The following PCDHA1 variants were observed in gnomAD, a reference collection of about 807,000 sequenced individuals.
PCDHA1 encodes the protein protocadherin alpha 1.
In PCDHA1, 42 loss-of-function variants were observed where a neutral mutation model predicts 61.3. The ratio of observed to expected loss-of-function variants is 0.69; its 90% CI spans 0.54 to 0.89. The LOEUF is 0.89. Ranked by LOEUF, PCDHA1 falls within the 40% of genes least tolerant of loss-of-function variation. PCDHA1 has a pLI of 0.00. For missense variants in PCDHA1, 1,256 were observed against 1,235.3 expected (o/e 1.02, Z -0.25); for synonymous variants, 610 against 553.8 (o/e 1.10, Z -1.43).
At chr5:140,882,344 A>T in intron 1 of PCDHA1, 2 of 1,614,084 alleles carry the variant, frequency 1.2e-6, no homozygotes, top group Admixed American at 3.3e-5. Flanking sequence ...AGCCTGGGAG[A>T]CGGGTAGTGG....
At chr5:140,924,395 G>C (rs919795787) in intron 1 of PCDHA1, among the ~76,000 whole-genome samples, 1 of 152,024 alleles carries the variant, frequency 6.6e-6, no homozygotes, top group East Asian at 1.9e-4. Context: ...TACTTATATT[G>C]CCTTATATCA....
intron 1 of PCDHA1, chr5:140,829,952 C>T: frequency 3.1e-6 from 5 of 1,614,008 alleles, no homozygotes; most frequent in African/African-American, 1.3e-5. Flanking sequence ...CGCTCGCTTC[C>T]CGTTTCGCGT....
chr5:140,801,381 C>G (rs782738715), intron 1 of PCDHA1: 1 of 1,613,546 alleles, frequency 6.2e-7, no homozygotes, highest in South Asian at 1.1e-5. Context: ...GCTGGTGCCG[C>G]GCCTGTTCCG....
intron 1 of PCDHA1, chr5:140,842,195 C>T (rs1165859216): frequency 1.9e-6 from 3 of 1,613,558 alleles, no homozygotes; most frequent in Non-Finnish European, 2.5e-6. Flanking sequence ...GGTTATTGAC[C>T]ACTTTAGCAT....
chr5:140,868,951 A>C (rs2050753987), intron 1 of PCDHA1: 1 of 1,321,466 alleles, frequency 7.6e-7, no homozygotes, highest in African/African-American at 1.5e-5. Context: ...ACAGTGAGGC[A>C]CTCCCATACA....
At chr5:140,821,568 C>T in intron 1 of PCDHA1, 1 of 542,252 alleles carries the variant, frequency 1.8e-6, no homozygotes, top group Admixed American at 3.6e-5. Context: ...CGCTGGACAC[C>T]GGAAGGTTTT....
intron 1 of PCDHA1, chr5:140,876,539 C>G: frequency 6.2e-7 from 1 of 1,614,170 alleles, no homozygotes; most frequent in Non-Finnish European, 8.5e-7. Flanking sequence ...ACTTCACTGT[C>G]GCTCCCTGTG....
chr5:140,855,215 A>G (rs1201048316), intron 1 of PCDHA1, among the ~76,000 whole-genome samples: 8 of 150,030 alleles, frequency 5.3e-5, no homozygotes, highest in East Asian at 1.9e-4. Context: ...CCATTTATGA[A>G]GCACTCATTC....
intron 3 of PCDHA1, among the ~76,000 whole-genome samples, chr5:140,998,364 C>T (rs2097808386): frequency 6.6e-6 from 1 of 152,192 alleles, no homozygotes; most frequent in South Asian, 2.1e-4. Flanking sequence ...AACCACTGCA[C>T]ACACCGTCTC....
chr5:140,802,192 A>G, intron 1 of PCDHA1: 2 of 1,614,242 alleles, frequency 1.2e-6, no homozygotes, highest in Non-Finnish European at 1.7e-6. Flanking sequence ...CCAATGTCAG[A>G]TCACTGCACA....
intron 1 of PCDHA1, among the ~76,000 whole-genome samples, chr5:140,960,639 C>T (rs1184483884): frequency 5.9e-5 from 9 of 152,058 alleles, no homozygotes; most frequent in Admixed American, 5.9e-4. Flanking sequence ...ATTTTTAAAA[C>T]CCCTATCCAA....
At chr5:140,885,738 C>T (rs1160742683) in intron 1 of PCDHA1, among the ~76,000 whole-genome samples, 5 of 151,978 alleles carry the variant, frequency 3.3e-5, no homozygotes, top group African/African-American at 1.2e-4. Flanking sequence ...TGATATTTCA[C>T]TGTTACTTTA....
Position 140,788,260 on chromosome 5 carries a change from C to A in PCDHA1, c.1970C>A (p.Pro657Gln), listed in dbSNP as rs1163768451. ...LLVLVKDHGE[P>Q]ALTATATVLV... is the part of the protein sequence containing the mutation. The stretch of plus-strand genomic sequence containing the variant: ...GTGCTAGTGAAGGATCACGGTGAGC[C>A]GGCGCTGACAGCCACGGCCACTGTG... Residue 657 changes from proline (P) to glutamine (Q), a missense_variant, in exon 1 of 4, where the codon CCG (proline) becomes CAG (glutamine). Transcript: ENST00000504120. The A allele has an allele frequency of 5.0e-6, 8 of 1,613,848 alleles. No individual in the cohort carries two copies. The highest frequency in any genetic ancestry group is 2.7e-5 in the African/African-American group (2 of 74,926).
intron 1 of PCDHA1, among the ~76,000 whole-genome samples, chr5:140,973,877 A>G (rs782563295): frequency 6.6e-6 from 1 of 152,234 alleles, no homozygotes; most frequent in Non-Finnish European, 1.5e-5. Context: ...AGGTCAGAAT[A>G]ATGTCAATTT....
intron 1 of PCDHA1, among the ~76,000 whole-genome samples, chr5:140,941,198 T>TCTTCCTTTCTTC (rs1563184149): frequency 4.2e-5 from 5 of 119,808 alleles, no homozygotes; most frequent in African/African-American, 1.0e-4. Context: ...TTTTTTTCTT[T>TCTTCCTTTCTTC]CTTCCTTTCT....
chr5:140,829,011 A>C (rs1554131712), intron 1 of PCDHA1: 1 of 1,613,882 alleles, frequency 6.2e-7, no homozygotes, highest in Non-Finnish European at 8.5e-7. Flanking sequence ...ATTCGGGGTA[A>C]TTTGGATTTT....
At chr5:140,911,283 A>G (rs906069835) in intron 1 of PCDHA1, among the ~76,000 whole-genome samples, 1 of 152,278 alleles carries the variant, frequency 6.6e-6, no homozygotes, top group Non-Finnish European at 1.5e-5. Context: ...CAGCTTCATC[A>G]GGGTCCTTTT....
At chr5:140,864,331 TG>T (rs1554158785) in intron 1 of PCDHA1, 2 of 152,248 alleles carry the variant, frequency 1.3e-5, no homozygotes, top group African/African-American at 4.8e-5. Context: ...CATAATTATT[TG>T]AGTTTAAAAC....
chr5:140,788,000 G>A lies in PCDHA1; in HGVS notation c.1710G>A (p.Val570=), dbSNP rs781962181. The change falls in exon 1 of 4, where the codon GTG becomes GTA. Residue 570 remains valine, a synonymous_variant. Coordinates refer to ENST00000504120, the MANE Select transcript of PCDHA1 (RefSeq NM_018900.4). ...DNAPALLAPR[V]GGTIGAVSEL... ...CGCCGGCGCTGCTGGCGCCTCGAGT[G>A]GGTGGCACTATTGGTGCAGTCAGTG... 2 of 1,614,024 alleles carry A rather than the reference G, an allele frequency of 1.2e-6. No homozygotes were observed. Among genetic ancestry groups the A allele is most frequent in the Non-Finnish European group, 1.7e-6 (2 of 1,179,894 alleles).
Sources: gnomAD v4.1 joint callset for allele counts (sites outside exome capture counted in the v4.1 genomes callset) on GRCh38, gnomAD v4.1.1 for gene constraint, MANE v1.5 for transcripts, NCBI Gene and HGNC (gene_info 2026-07-23, HGNC 2026-07-21) for gene names.